WWOX: variants seen among roughly 807,000 people sequenced by gnomAD.
WWOX encodes the protein WW domain-containing oxidoreductase.
A neutral mutation model predicts 46.2 loss-of-function variants in WWOX; 69 were observed. The observed-to-expected ratio is 1.49, with a 90% confidence interval of 1.23 to 1.82. The LOEUF is 1.82. WWOX is among the 40% of genes most tolerant of loss of function. The probability of loss-of-function intolerance (pLI) is 0.00; values close to 1 mark genes in which losing one functional copy is unlikely to be tolerated. For synonymous variants in WWOX, 359 were observed against 202.6 expected (o/e 1.77, Z -6.56); for missense variants, 919 against 542.6 (o/e 1.69, Z -6.89).
Position 78,132,171 on chromosome 16 carries a change from C to T in WWOX, c.409+17017C>T, listed in dbSNP as rs889676553. ...TCCCGAGTAGCTGGGACTACAGGTG[C>T]CCGCCACCACGCCCGGCTAATTTTT... is the stretch of plus-strand genomic sequence containing the variant. On this transcript the variant is annotated intron_variant, in intron 4 of 8. Coordinates refer to ENST00000566780, the MANE Select transcript of WWOX (RefSeq NM_016373.4). Among the ~76,000 whole-genome samples, 9 of 151,182 alleles carry T rather than the reference C, an allele frequency of 6.0e-5. 1 individual carries two copies. Among genetic ancestry groups the T allele is most frequent in the African/African-American group, 1.9e-4 (8 of 41,096 alleles).
At chr16:78,107,990 G>A (rs549696170) in intron 1 of WWOX, among the ~76,000 whole-genome samples, 5 of 151,824 alleles carry the variant, frequency 3.3e-5, no homozygotes, top group Non-Finnish European at 5.9e-5. Context: ...GTGCAGCGGC[G>A]TGATCTCGGC....
chr16:78,737,321 A>C (rs1227650834), intron 8 of WWOX, among the ~76,000 whole-genome samples: 2 of 151,664 alleles, frequency 1.3e-5, no homozygotes, highest in Non-Finnish European at 2.9e-5. Flanking sequence ...TTTTTAGTAC[A>C]GATGCGGTTT....
chr16:78,618,466 T>C (rs549847540), intron 8 of WWOX, among the ~76,000 whole-genome samples: 17 of 152,288 alleles, frequency 1.1e-4, no homozygotes, highest in African/African-American at 3.6e-4. Context: ...TGTGTGCGTT[T>C]GCATCCTTAT....
intron 5 of WWOX, among the ~76,000 whole-genome samples, chr16:78,321,720 G>T (rs573770462): frequency 1.2e-4 from 19 of 152,278 alleles, no homozygotes; most frequent in African/African-American, 4.6e-4. Context: ...TGATGATGTA[G>T]GAGTGAGAAC....
intron 8 of WWOX, among the ~76,000 whole-genome samples, chr16:79,087,003 C>G (rs994105589): frequency 2.0e-5 from 3 of 152,186 alleles, no homozygotes; most frequent in Non-Finnish European, 4.4e-5. Flanking sequence ...GAGAGGCAGC[C>G]TAGGGAATGG....
At chr16:78,730,954 A>G (rs907773160) in intron 8 of WWOX, among the ~76,000 whole-genome samples, 2 of 152,118 alleles carry the variant, frequency 1.3e-5, no homozygotes, top group African/African-American at 4.8e-5. Context: ...ATAATACATT[A>G]TTATCATTAA....
rs896037097 is a variant in WWOX, at chr16:78,806,350, A to G, written c.1056+373598A>G. 1.1e-4 allele frequency among the ~76,000 whole-genome samples: 17 copies of G among 152,316 alleles called. No homozygotes were observed. The East Asian group carries it at 2.1e-3, about 19-fold the overall frequency. ...ACTATATTCCAGTAACAATTGTTGC[A>G]TAACAAACCACCCCCAAATTTAGTG... On this transcript the variant is annotated intron_variant, in intron 8 of 8. Transcript: ENST00000566780.
chr16:78,668,154 C>G (rs1375877193), intron 8 of WWOX, among the ~76,000 whole-genome samples: 2 of 152,264 alleles, frequency 1.3e-5, no homozygotes, highest in Non-Finnish European at 1.5e-5. Context: ...GTGGCACATG[C>G]CTGTAATCCC....
intron 8 of WWOX, among the ~76,000 whole-genome samples, chr16:78,792,963 T>C (rs2050643465): frequency 6.6e-6 from 1 of 152,150 alleles, no homozygotes; most frequent in Non-Finnish European, 1.5e-5. Context: ...ATAGGAAATC[T>C]CTTTATTTCG....
At chr16:78,938,022 C>G (rs568877857) in intron 8 of WWOX, among the ~76,000 whole-genome samples, 2 of 152,164 alleles carry the variant, frequency 1.3e-5, no homozygotes, top group Non-Finnish European at 2.9e-5. Context: ...TATTGCTGTC[C>G]TCACCGTCCT....
chr16:78,954,964 A>AT (rs1273544722), intron 8 of WWOX, among the ~76,000 whole-genome samples: 4 of 151,996 alleles, frequency 2.6e-5, no homozygotes, highest in Admixed American at 1.3e-4. Flanking sequence ...TAATTTTTAA[A>AT]TTTTTTGTAG....
intron 5 of WWOX, among the ~76,000 whole-genome samples, chr16:78,383,496 C>G (rs12448513): frequency 0.06 from 9,069 of 152,158 alleles, 349 homozygotes; most frequent in Middle Eastern, 0.11. Flanking sequence ...CTTGGCAGAT[C>G]GAGTCTCTTG....
At chr16:78,861,464 C>G (rs999062801) in intron 8 of WWOX, among the ~76,000 whole-genome samples, 3 of 152,148 alleles carry the variant, frequency 2.0e-5, no homozygotes, top group African/African-American at 7.2e-5. Flanking sequence ...TTACATGTGG[C>G]CATTGTTGTT....
intron 8 of WWOX, among the ~76,000 whole-genome samples, chr16:79,185,832 C>T (rs192751280): frequency 6.6e-6 from 1 of 152,036 alleles, no homozygotes; most frequent in Non-Finnish European, 1.5e-5. Flanking sequence ...TGAGAAGGGA[C>T]TCATCTGTTT....
intron 8 of WWOX, among the ~76,000 whole-genome samples, chr16:78,701,113 C>A (rs1035272965): frequency 6.6e-6 from 1 of 152,068 alleles, no homozygotes; most frequent in African/African-American, 2.4e-5. Flanking sequence ...GTGATAGTTA[C>A]CTCACAAGGT....
intron 6 of WWOX, among the ~76,000 whole-genome samples, chr16:78,403,877 C>A (rs903681240): frequency 3.9e-5 from 6 of 152,190 alleles, no homozygotes; most frequent in African/African-American, 1.2e-4. Context: ...CTGCATGGAC[C>A]TTCACTTACT....
chr16:78,936,447 G>C (rs542161025), intron 8 of WWOX, among the ~76,000 whole-genome samples: 1 of 152,160 alleles, frequency 6.6e-6, no homozygotes, highest in African/African-American at 2.4e-5. Flanking sequence ...TTTCTCTGTA[G>C]GCTTAGCTAC....
intron 8 of WWOX, among the ~76,000 whole-genome samples, chr16:79,012,620 C>A (rs1202564756): frequency 6.6e-6 from 1 of 152,102 alleles, no homozygotes. Context: ...TGGTGCAGCT[C>A]CAAGGCAGAG....
intron 8 of WWOX, among the ~76,000 whole-genome samples, chr16:78,534,078 T>G (rs2043697445): frequency 6.6e-6 from 1 of 152,110 alleles, no homozygotes; most frequent in Non-Finnish European, 1.5e-5. Context: ...ATTTGGAAAA[T>G]AAATATTAGA....
Sources: allele counts gnomAD v4.1 joint callset (sites outside exome capture counted in the v4.1 genomes callset), GRCh38; gene constraint gnomAD v4.1.1; transcripts MANE v1.5; gene names NCBI Gene and HGNC (gene_info 2026-07-23, HGNC 2026-07-21).